Variants in DCLK2 observed in about 807,000 individuals in gnomAD.
DCLK2 encodes doublecortin like kinase 2.
A neutral mutation model predicts 78.4 loss-of-function variants in DCLK2; 31 were observed. That is an observed-to-expected ratio of 0.40 (90% CI 0.30 to 0.53). DCLK2 has a LOEUF of 0.53. DCLK2 is among the 20% of genes least tolerant of loss of function. DCLK2 has a pLI of 0.61. For missense variants in DCLK2, 872 were observed against 973.7 expected (o/e 0.90, Z 1.39); for synonymous variants, 407 against 374.9 (o/e 1.09, Z -0.99).
intron 12 of DCLK2, among the ~76,000 whole-genome samples, chr4:150,243,649 G>A (rs1053037768): frequency 9.2e-5 from 14 of 152,006 alleles, no homozygotes; most frequent in Non-Finnish European, 1.8e-4. Context: ...CTTCTCTGAC[G>A]ATAGCATCTT....
chr4:150,128,365 G>A (rs2150193125), intron 2 of DCLK2, among the ~76,000 whole-genome samples: 1 of 151,976 alleles, frequency 6.6e-6, no homozygotes, highest in South Asian at 2.1e-4. Context: ...ATATGTGTGT[G>A]TAATAGAATG....
At chr4:150,089,892 T>C (rs1349166713) in intron 1 of DCLK2, among the ~76,000 whole-genome samples, 1 of 152,212 alleles carries the variant, frequency 6.6e-6, no homozygotes, top group East Asian at 1.9e-4. Context: ...TGAGTCAGTT[T>C]TGCACAGCTA....
intron 12 of DCLK2, among the ~76,000 whole-genome samples, chr4:150,244,177 C>G (rs1743133391): frequency 6.6e-6 from 1 of 152,040 alleles, no homozygotes; most frequent in Non-Finnish European, 1.5e-5. Flanking sequence ...TCAGGCAGTC[C>G]TCCCACTCCA....
At chr4:150,232,300 G>A (rs1421345133) in intron 8 of DCLK2, 37 bp from the exon 9 acceptor site, 6 of 1,603,770 alleles carry the variant, frequency 3.7e-6, no homozygotes, top group African/African-American at 1.3e-5. Context: ...AGGGTTCTGT[G>A]ATTTCTGATC....
chr4:150,102,259 C>T (rs1039830032), intron 1 of DCLK2, among the ~76,000 whole-genome samples: 5 of 152,122 alleles, frequency 3.3e-5, no homozygotes, highest in Non-Finnish European at 7.4e-5. Context: ...TGGTCCAGTG[C>T]TTCTCACCCT....
intron 4 of DCLK2, among the ~76,000 whole-genome samples, chr4:150,199,344 G>T (rs76393648): frequency 1.3e-5 from 2 of 152,160 alleles, no homozygotes; most frequent in African/African-American, 4.8e-5. Flanking sequence ...ACCGCAAGGG[G>T]TCCATCTTCT....
intron 5 of DCLK2, among the ~76,000 whole-genome samples, chr4:150,205,379 G>A (rs1324259713): frequency 1.3e-5 from 2 of 152,198 alleles, no homozygotes; most frequent in African/African-American, 4.8e-5. Flanking sequence ...TTCTGGAAAA[G>A]GACAGAGCAT....
At chr4:150,253,969 G>A in intron 15 of DCLK2, 1 of 941,598 alleles carries the variant, frequency 1.1e-6, no homozygotes. Flanking sequence ...TGGGATAAGA[G>A]AAGATAATTT....
Position 150,245,845 on chromosome 4 carries a change from G to C in DCLK2, c.1779-1758G>C, listed in dbSNP as rs571566814. Among the ~76,000 whole-genome samples, 15 of 152,258 alleles carry C rather than the reference G, an allele frequency of 9.9e-5. No homozygotes were observed. The South Asian group carries it at 2.9e-3, about 29-fold the overall frequency. On this transcript the variant is annotated intron_variant, in intron 12 of 15. Coordinates refer to ENST00000296550, the MANE Select transcript of DCLK2 (RefSeq NM_001040260.4). ...TAGTTCAACCATTGTGGAAGACAGG[G>C]TGGCAATTCCTCAAGGATCCAGAAC...
chr4:150,148,322 G>A (rs1293790974), intron 2 of DCLK2, among the ~76,000 whole-genome samples: 1 of 149,858 alleles, frequency 6.7e-6, no homozygotes, highest in African/African-American at 2.5e-5. Flanking sequence ...CTGAGATGGT[G>A]TCATTGCACT....
In DCLK2 at chr4:150,088,848, T is replaced by G. The variant is rs140715517; in HGVS notation, c.421+9400T>G. 2.1e-4 allele frequency among the ~76,000 whole-genome samples: 32 copies of G among 152,336 alleles called. 1 individual carries two copies. In the East Asian group the frequency reaches 6.2e-3, roughly 29 times the overall value. Reference sequence around the variant, plus strand: ...CCCCTTTCAGCTCTGATAAATATTTTCTGTGCATGCCCAGTTCCCCCACGA... The same window carrying G: ...CCCCTTTCAGCTCTGATAAATATTTGCTGTGCATGCCCAGTTCCCCCACGA... On this transcript the variant is annotated intron_variant, in intron 1 of 15. Coordinates refer to ENST00000296550, the MANE Select transcript of DCLK2 (RefSeq NM_001040260.4).
chr4:150,121,354 C>T (rs1288336296), intron 2 of DCLK2, among the ~76,000 whole-genome samples: 1 of 152,200 alleles, frequency 6.6e-6, no homozygotes, highest in Non-Finnish European at 1.5e-5. Flanking sequence ...GTTGCCATTT[C>T]AACAATGTTC....
intron 2 of DCLK2, 52 bp from the exon 3 acceptor site, chr4:150,193,086 T>C: frequency 8.9e-7 from 1 of 1,118,900 alleles, no homozygotes; most frequent in Non-Finnish European, 1.3e-6. Context: ...TTGCTTTTCA[T>C]TTCACTTCTA....
chr4:150,135,567 G>A (rs1050000590), intron 2 of DCLK2, among the ~76,000 whole-genome samples: 1 of 152,212 alleles, frequency 6.6e-6, no homozygotes, highest in African/African-American at 2.4e-5. Context: ...TAGGTGTTGT[G>A]AAAGAGGAAG....
chr4:150,097,171 C>A (rs1267262397), intron 1 of DCLK2, among the ~76,000 whole-genome samples: 8 of 142,916 alleles, frequency 5.6e-5, no homozygotes, highest in African/African-American at 2.1e-4. Context: ...AAATTTCTAG[C>A]CTTTTTTTTT....
chr4:150,167,292 C>T (rs1304156429), intron 2 of DCLK2, among the ~76,000 whole-genome samples: 1 of 152,206 alleles, frequency 6.6e-6, no homozygotes, highest in Admixed American at 6.5e-5. Flanking sequence ...GAAGGACAGA[C>T]TGTTTGTGAC....
Position 150,079,202 on chromosome 4 carries a change from A to T in DCLK2, c.175A>T (p.Thr59Ser). 6.2e-7 allele frequency: 1 copy of T among 1,612,118 alleles called. No homozygotes were observed. Among genetic ancestry groups the T allele is most frequent in the Non-Finnish European group, 8.5e-7 (1 of 1,179,214 alleles). Residue 59 changes from threonine (T) to serine (S), a missense_variant, in exon 1 of 16, where the codon ACG (threonine) becomes TCG (serine). Thr to Ser is a moderately conservative substitution (Grantham distance 58, BLOSUM62 1). Transcript: ENST00000296550. Reference sequence around the variant, plus strand: ...CAGTGCCCACTGCAGCTTCTACCGCACGCGGACCCTGCAGGCCCTCAGCTC... The same window carrying T: ...CAGTGCCCACTGCAGCTTCTACCGCTCGCGGACCCTGCAGGCCCTCAGCTC... ...AHSAHCSFYR[T>S]RTLQALSSEK... is the part of the protein sequence containing the mutation.
At chr4:150,123,060 A>G (rs1359633262) in intron 2 of DCLK2, among the ~76,000 whole-genome samples, 1 of 152,196 alleles carries the variant, frequency 6.6e-6, no homozygotes, top group Non-Finnish European at 1.5e-5. Flanking sequence ...TTCTCTTCCA[A>G]CCAAACATTC....
At chr4:150,115,074 G>T (rs1037839797) in intron 2 of DCLK2, among the ~76,000 whole-genome samples, 12 of 152,100 alleles carry the variant, frequency 7.9e-5, no homozygotes, top group Non-Finnish European at 1.2e-4. Flanking sequence ...TGGAGGCTTT[G>T]TTCATTTCTT....
Sources: allele counts gnomAD v4.1 joint callset (sites outside exome capture counted in the v4.1 genomes callset), GRCh38; gene constraint gnomAD v4.1.1; transcripts MANE v1.5; gene names NCBI Gene and HGNC (gene_info 2026-07-23, HGNC 2026-07-21).